TNRC6C: variants seen among roughly 807,000 people sequenced by gnomAD.
TNRC6C encodes the protein trinucleotide repeat-containing gene 6C protein.
Under a neutral mutation model 153.7 loss-of-function variants are expected in TNRC6C, and 20 were observed. The observed-to-expected ratio is 0.13, with a 90% confidence interval of 0.09 to 0.19. TNRC6C has a LOEUF of 0.19. Ranked by LOEUF, TNRC6C falls within the 10% of genes least tolerant of loss-of-function variation. The probability of loss-of-function intolerance (pLI) is 1.00; values close to 1 mark genes in which losing one functional copy is unlikely to be tolerated. For synonymous variants in TNRC6C, 811 were observed against 841.4 expected (o/e 0.96, Z 0.63); for missense variants, 1,987 against 2,172.0 (o/e 0.91, Z 1.69).
chr17:78,067,614 T>G, intron 4 of TNRC6C, 143 bp from the exon 7 acceptor site: 1 of 851,544 alleles, frequency 1.2e-6, no homozygotes, highest in South Asian at 2.3e-5. Context: ...AATTCAATTC[T>G]GAGATCTGGG....
intron 1 of TNRC6C, among the ~76,000 whole-genome samples, chr17:77,984,047 G>A (rs2071120447): frequency 1.3e-5 from 2 of 152,124 alleles, no homozygotes; most frequent in Non-Finnish European, 2.9e-5. Context: ...CAAAGGGGTG[G>A]ACTGTGCCAA....
intron 2 of TNRC6C, among the ~76,000 whole-genome samples, chr17:78,037,845 C>T (rs536350897): frequency 2.0e-5 from 3 of 152,042 alleles, no homozygotes; most frequent in Non-Finnish European, 2.9e-5. Context: ...AGCGAATGTA[C>T]GTGAATAGAA....
chr17:78,027,797 G>C (rs1018808612), intron 1 of TNRC6C, among the ~76,000 whole-genome samples: 5 of 152,170 alleles, frequency 3.3e-5, no homozygotes, highest in South Asian at 2.1e-4. Flanking sequence ...GAAGGGATGT[G>C]CGTCTTTGAG....
At chr17:77,957,855 G>A (rs1293797202), upstream of TNRC6C, among the ~76,000 whole-genome samples, 2 of 152,266 alleles carry the variant, frequency 1.3e-5, no homozygotes, top group East Asian at 1.9e-4. Context: ...GGAGCACCGG[G>A]GAGGAATCGT....
exon 3 of TNRC6C, chr17:78,050,444 A>G: frequency 6.2e-7 from 1 of 1,613,994 alleles, no homozygotes; most frequent in Non-Finnish European, 8.5e-7. Flanking sequence ...ACTGCCTGGG[A>G]ATTTGAAGAA....
At chr17:77,993,103 T>A (rs1168044616) in intron 1 of TNRC6C, among the ~76,000 whole-genome samples, 1 of 152,046 alleles carries the variant, frequency 6.6e-6, no homozygotes, top group Non-Finnish European at 1.5e-5. Flanking sequence ...GTAGCTGGGA[T>A]TACACCCGCC....
At chr17:78,076,446 A>T (rs1318470000) in intron 8 of TNRC6C, among the ~76,000 whole-genome samples, 1 of 152,186 alleles carries the variant, frequency 6.6e-6, no homozygotes, top group Non-Finnish European at 1.5e-5. Flanking sequence ...TAATTTTTGA[A>T]ATCATACTGT....
chr17:77,958,956 C>T (rs1221027925), upstream of TNRC6C, among the ~76,000 whole-genome samples: 22 of 146,390 alleles, frequency 1.5e-4, no homozygotes, highest in Non-Finnish European at 3.2e-4. Flanking sequence ...CCACCGCCGC[C>T]GCCGCCGCCG....
chr17:78,017,570 A>C (rs2071751601), intron 1 of TNRC6C, among the ~76,000 whole-genome samples: 1 of 151,410 alleles, frequency 6.6e-6, no homozygotes. Flanking sequence ...AATTGTAGCA[A>C]CCTGTCTCTA....
chr17:78,010,977 GC>G (rs2071618967), intron 1 of TNRC6C, among the ~76,000 whole-genome samples: 1 of 152,188 alleles, frequency 6.6e-6, no homozygotes, highest in Admixed American at 6.5e-5. Context: ...CTCCGGGGGC[GC>G]CTCCCGAGGG....
chr17:78,005,461 T>C (rs1436838085), intron 1 of TNRC6C, among the ~76,000 whole-genome samples: 1 of 152,178 alleles, frequency 6.6e-6, no homozygotes, highest in Non-Finnish European at 1.5e-5. Flanking sequence ...ATAAAAAAGA[T>C]ATATTCTTTC....
At chr17:77,982,367 G>T (rs2071091320) in intron 1 of TNRC6C, among the ~76,000 whole-genome samples, 1 of 152,000 alleles carries the variant, frequency 6.6e-6, no homozygotes, top group Non-Finnish European at 1.5e-5. Context: ...AATGTTTTCT[G>T]CAGGACATAA....
At chr17:78,069,573 A>G (rs971515785) in intron 5 of TNRC6C, among the ~76,000 whole-genome samples, 2 of 152,132 alleles carry the variant, frequency 1.3e-5, no homozygotes, top group African/African-American at 4.8e-5. Context: ...TTTTTTCTGT[A>G]GAGACAGAGT....
chr17:78,009,084 C>A (rs769248959), intron 1 of TNRC6C, among the ~76,000 whole-genome samples: 2 of 152,060 alleles, frequency 1.3e-5, no homozygotes, highest in African/African-American at 4.8e-5. Flanking sequence ...TTACCTGTTA[C>A]CTTAGTGAGA....
At chr17:78,040,331 T>G (rs2072266571) in intron 2 of TNRC6C, among the ~76,000 whole-genome samples, 2 of 152,204 alleles carry the variant, frequency 1.3e-5, no homozygotes, top group African/African-American at 4.8e-5. Flanking sequence ...CTTTTATCTT[T>G]AAAAAATAAT....
rs2073135809 is a variant in TNRC6C at position 78,079,179 on chromosome 17, G to A, written c.3211-216G>A. ...CAGGAGAATCACTTGGACCCAGGAGGCAGAGGCTACAGTGAGCCAAGACCG... is the reference window on the plus strand; with the variant it reads ...CAGGAGAATCACTTGGACCCAGGAGACAGAGGCTACAGTGAGCCAAGACCG... On this transcript the variant is annotated intron_variant, in intron 9 of 19. Transcript: ENST00000301624. The surrounding 1 kb of genome is among the most constrained non-coding windows in gnomAD (Gnocchi z 4.3). Among the ~76,000 whole-genome samples, 1 of 152,044 alleles carries A rather than the reference G, an allele frequency of 6.6e-6. No homozygotes were observed. The highest frequency in any genetic ancestry group is 1.9e-4 in the East Asian group (1 of 5,166).
At chr17:77,967,620 C>A (rs1333866408) in intron 1 of TNRC6C, among the ~76,000 whole-genome samples, 17 of 152,106 alleles carry the variant, frequency 1.1e-4, no homozygotes, top group Non-Finnish European at 7.4e-5. Context: ...AGTTCCTTTT[C>A]CTGAGGCCTC....
At chr17:78,072,944 A>C in intron 6 of TNRC6C, 93 bp from the exon 9 acceptor site, 1 of 894,600 alleles carries the variant, frequency 1.1e-6, no homozygotes, top group South Asian at 1.6e-5. Flanking sequence ...AAACCTAATA[A>C]CTATGTCTTT....
intron 17 of TNRC6C, among the ~76,000 whole-genome samples, chr17:78,100,518 G>A (rs2073570646): frequency 6.6e-6 from 1 of 152,214 alleles, no homozygotes; most frequent in South Asian, 2.1e-4. Flanking sequence ...AGTCACAACT[G>A]GAGCGGCTGG....
Sources: gnomAD v4.1 joint callset for allele counts (sites outside exome capture counted in the v4.1 genomes callset) on GRCh38, gnomAD v4.1.1 for gene constraint, Gnocchi (gnomAD v3.1) non-coding constraint, MANE v1.5 for transcripts, NCBI Gene and HGNC (gene_info 2026-07-23, HGNC 2026-07-21) for gene names.